C6orf132: variants seen among roughly 807,000 people sequenced by gnomAD.
C6orf132 encodes the protein chromosome 6 open reading frame 132, also known as uncharacterized protein C6orf132.
C6orf132 carries 43 observed loss-of-function variants against 65.3 expected under a neutral mutation model. The observed-to-expected ratio is 0.66, with a 90% CI of 0.52 to 0.85. C6orf132 has a LOEUF of 0.85. Ranked by LOEUF, C6orf132 falls within the 40% of genes least tolerant of loss-of-function variation. The probability of loss-of-function intolerance (pLI) is 0.00; values close to 1 mark genes in which losing one functional copy is unlikely to be tolerated. For synonymous variants in C6orf132, 631 were observed against 654.1 expected (o/e 0.96, Z 0.54); for missense variants, 1,488 against 1,548.8 (o/e 0.96, Z 0.66).
At chr6:42,132,386 GCA>G (rs1766867637) in intron 1 of C6orf132, among the ~76,000 whole-genome samples, 1 of 151,806 alleles carries the variant, frequency 6.6e-6, no homozygotes, top group Non-Finnish European at 1.5e-5. Context: ...GTGGTGGCAT[GCA>G]CCTGTAGTCC....
At chr6:42,141,596 G>C (rs1197506263) in intron 1 of C6orf132, among the ~76,000 whole-genome samples, 1 of 152,226 alleles carries the variant, frequency 6.6e-6, no homozygotes, top group Non-Finnish European at 1.5e-5. Context: ...GGCAGTCAGG[G>C]AGAGGGTTCC....
rs1026376202 is a variant in C6orf132 at position 42,103,873 on chromosome 6, G to A, written c.3455C>T (p.Pro1152Leu). The A allele has an allele frequency of 5.5e-6, 8 of 1,455,514 alleles. No individual in the cohort carries two copies. The Admixed American group carries it at 1.3e-4, about 23-fold the overall frequency. The allele number at this position is 1,455,514 out of a possible 1,614,324, so 90.2% of individuals were successfully genotyped here. Reference sequence around the variant, plus strand: ...GCTTCCATAGCGGGTGGTGGTGTAGGGAGACCTGGGGGAGAGCAAGAGATG... The same window carrying A: ...GCTTCCATAGCGGGTGGTGGTGTAGAGAGACCTGGGGGAGAGCAAGAGATG... ...YGFAPAAGRS[P>L]YTTTRYGSPI... Residue 1152 changes from proline (P) to leucine (L), a missense_variant, in exon 5 of 5, where the codon CCC becomes CTC. Physicochemically the swap from Pro to Leu is moderately conservative, Grantham distance 98. Coordinates refer to ENST00000341865, the MANE Select transcript of C6orf132 (RefSeq NM_001164446.3).
At chr6:42,103,907 A>G in intron 4 of C6orf132, 29 bp from the exon 5 acceptor site, 6 of 1,347,304 alleles carry the variant, frequency 4.5e-6, no homozygotes, top group Non-Finnish European at 5.8e-6. Flanking sequence ...TGTGAGGTGA[A>G]TATCTGCAGC....
At chr6:42,135,926 G>A (rs1412171042) in intron 1 of C6orf132, among the ~76,000 whole-genome samples, 2 of 152,054 alleles carry the variant, frequency 1.3e-5, no homozygotes, top group African/African-American at 4.8e-5. Flanking sequence ...ATTCCCTCAT[G>A]TCATAGCCAG....
chr6:42,141,929 G>A (rs1462038277), intron 1 of C6orf132, among the ~76,000 whole-genome samples: 1 of 152,088 alleles, frequency 6.6e-6, no homozygotes, highest in South Asian at 2.1e-4. Context: ...GGGGTGTAGC[G>A]GTGGGGGTCG....
intron 3 of C6orf132, among the ~76,000 whole-genome samples, chr6:42,107,950 G>C (rs114806702): frequency 6.6e-6 from 1 of 152,152 alleles, no homozygotes; most frequent in Non-Finnish European, 1.5e-5. Context: ...TCCTGGCTGC[G>C]TCACAGGTTG....
rs1242454785 is a variant in C6orf132 at position 42,104,679 on chromosome 6, G to A, written c.3233C>T (p.Pro1078Leu). The A allele has an allele frequency of 2.0e-6, 3 of 1,511,458 alleles. No homozygotes were observed. In the Admixed American group the frequency reaches 6.4e-5, roughly 32 times the overall value. The allele number at this position is 1,511,458 out of a possible 1,614,324, so 93.6% of individuals were successfully genotyped here. A position where few individuals can be genotyped will look rare whatever the true frequency, so the allele number is the denominator to read the frequency against. ...CAGGCTGCGGCCGGTGCCACCGTGG[G>A]GTAGCCCTGGGCCTCGGTGCGGCTC... ...VGEPHRGPGL[P>L]HGGTGRSLSS... The change falls in exon 4 of 5, where the codon CCC becomes CTC. Residue 1078 changes from proline (P) to leucine (L), a missense_variant. By Grantham distance (98) the Pro-to-Leu change is moderately conservative. Transcript: ENST00000341865. This position sits in a 1 kb window ranked among gnomAD's most constrained non-coding sequence, Gnocchi z 4.1.
chr6:42,104,321 T>C lies in C6orf132; in HGVS notation c.3449+142A>G. The stretch of plus-strand genomic sequence containing the variant: ...GCCAACAGCGCCCTCTCCCGGTAAG[T>C]GGGCCTCCCTCCCGCGTTCTACCTG... On this transcript the variant is annotated intron_variant, in intron 4 of 4. Transcript: ENST00000341865. This position sits in a 1 kb window ranked among gnomAD's most constrained non-coding sequence, Gnocchi z 4.1. 5.0e-6 allele frequency: 6 copies of C among 1,209,298 alleles called. No individual in the cohort carries two copies. The highest frequency in any genetic ancestry group is 1.6e-5 in the African/African-American group (1 of 63,846). 74.9% of individuals were successfully genotyped at this position (1,209,298 alleles called of 1,614,324 possible).
chr6:42,121,979 G>A (rs960198735), intron 2 of C6orf132, among the ~76,000 whole-genome samples: 2 of 152,202 alleles, frequency 1.3e-5, no homozygotes, highest in African/African-American at 2.4e-5. Context: ...GTGCTGGCCT[G>A]GTGGACGTGG....
At chr6:42,129,986 C>A (rs1004339095) in intron 1 of C6orf132, among the ~76,000 whole-genome samples, 1 of 152,250 alleles carries the variant, frequency 6.6e-6, no homozygotes, top group Non-Finnish European at 1.5e-5. Context: ...AGACTACATC[C>A]ATCCCAAATC....
chr6:42,106,169 C>T lies in C6orf132; in HGVS notation c.1743G>A (p.Glu581=). 2 of 1,537,274 alleles carry T rather than the reference C, an allele frequency of 1.3e-6. No individual in the cohort carries two copies. Among genetic ancestry groups the T allele is most frequent in the African/African-American group, 2.7e-5 (2 of 73,178 alleles). Residue 581 remains glutamate, a synonymous_variant, in exon 4 of 5, where the codon GAG becomes GAA. Transcript: ENST00000341865. ...GCAGAGATCCTATGCTGGGCTTAGC[C>T]TCCTTCTCTGCTGCTGAGGAGAGCC... ...EARLSSAAEK[E]AKPSIGSLPP...
At chr6:42,129,667 T>A (rs983259249) in intron 1 of C6orf132, among the ~76,000 whole-genome samples, 31 of 152,116 alleles carry the variant, frequency 2.0e-4, no homozygotes, top group African/African-American at 7.0e-4. Context: ...CTTTCTCAAC[T>A]CCCTCATGAC....
chr6:42,130,651 T>C (rs1246100684), intron 1 of C6orf132, among the ~76,000 whole-genome samples: 2 of 152,176 alleles, frequency 1.3e-5, no homozygotes, highest in African/African-American at 4.8e-5. Flanking sequence ...ATTGTCATAT[T>C]AATGGCTACT....
chr6:42,137,872 C>T (rs987398929), intron 1 of C6orf132, among the ~76,000 whole-genome samples: 28 of 151,726 alleles, frequency 1.8e-4, no homozygotes, highest in African/African-American at 6.0e-4. Context: ...GTCAGGAGAT[C>T]GAGACCATCC....
At chr6:42,122,221 C>A (rs1766699650) in intron 2 of C6orf132, among the ~76,000 whole-genome samples, 1 of 152,198 alleles carries the variant, frequency 6.6e-6, no homozygotes, top group African/African-American at 2.4e-5. Context: ...ACCACAGCTT[C>A]TGCCCTCCAC....
chr6:42,138,424 T>C (rs918122548), intron 1 of C6orf132, among the ~76,000 whole-genome samples: 6 of 152,198 alleles, frequency 3.9e-5, no homozygotes, highest in African/African-American at 1.4e-4. Context: ...CCTGAGTAGC[T>C]GCAGCTACAG....
Position 42,102,947 on chromosome 6 carries a change from C to T in C6orf132, c.*814G>A. On this transcript the variant is annotated 3_prime_UTR_variant, in exon 5 of 5. Coordinates refer to ENST00000341865, the MANE Select transcript of C6orf132 (RefSeq NM_001164446.3). ...GCCTAAGACTCATGGCTCCTTGGGCCCAGTCCCCAAAATCAGGGCTGCACA... is the reference window on the plus strand; with the variant it reads ...GCCTAAGACTCATGGCTCCTTGGGCTCAGTCCCCAAAATCAGGGCTGCACA... 2.5e-6 allele frequency: 1 copy of T among 397,680 alleles called. No homozygotes were observed. The highest frequency in any genetic ancestry group is 4.4e-6 in the Non-Finnish European group (1 of 225,970). 24.6% of individuals were successfully genotyped at this position (397,680 alleles called of 1,614,324 possible).
intron 2 of C6orf132, among the ~76,000 whole-genome samples, chr6:42,128,281 G>A (rs542314088): frequency 6.6e-6 from 1 of 152,234 alleles, no homozygotes; most frequent in Non-Finnish European, 1.5e-5. Context: ...CTCCTGCAGT[G>A]GGCAGGGAGC....
chr6:42,129,888 T>C (rs1158218084), intron 1 of C6orf132, among the ~76,000 whole-genome samples: 1 of 152,212 alleles, frequency 6.6e-6, no homozygotes, highest in Non-Finnish European at 1.5e-5. Flanking sequence ...TGATTACTTT[T>C]CTCCTTGTAC....
Sources: gnomAD v4.1 joint callset for allele counts (sites outside exome capture counted in the v4.1 genomes callset) on GRCh38, gnomAD v4.1.1 for gene constraint, Gnocchi (gnomAD v3.1) non-coding constraint, MANE v1.5 for transcripts, NCBI Gene and HGNC (gene_info 2026-07-23, HGNC 2026-07-21) for gene names.